Variants in MPZL1 observed in about 807,000 individuals in gnomAD.
The protein encoded by MPZL1 is myelin protein zero-like protein 1.
MPZL1 carries 16 observed loss-of-function variants against 29.3 expected under a neutral mutation model. That is an observed-to-expected ratio of 0.55 (90% CI 0.37 to 0.83). MPZL1 has a LOEUF of 0.83. Ranked by LOEUF, MPZL1 falls within the 40% of genes least tolerant of loss-of-function variation. The pLI, the probability that MPZL1 is intolerant of heterozygous loss-of-function variation, is 0.00. For synonymous variants in MPZL1, 143 were observed against 132.0 expected (o/e 1.08, Z -0.57); for missense variants, 279 against 332.9 (o/e 0.84, Z 1.26).
At chr1:167,778,219 G>T (rs373381672) in intron 5 of MPZL1, among the ~76,000 whole-genome samples, 52 of 152,084 alleles carry the variant, frequency 3.4e-4, no homozygotes, top group African/African-American at 1.3e-3. Flanking sequence ...TACTCAGGAG[G>T]CTGAGGCAGG....
At chr1:167,722,280 G>C (rs954143308) in intron 1 of MPZL1, 38 bp downstream of exon 1, 18 of 1,234,118 alleles carry the variant, frequency 1.5e-5, no homozygotes, top group Non-Finnish European at 1.8e-5. Flanking sequence ...GCCGGGGAGT[G>C]GGGCCCCCGG....
chr1:167,772,711 A>G (rs1370383261), intron 3 of MPZL1, among the ~76,000 whole-genome samples: 1 of 152,046 alleles, frequency 6.6e-6, no homozygotes, highest in Admixed American at 6.5e-5. Context: ...TTTTATTCCT[A>G]CCGTCTGGTG....
chr1:167,775,945 C>G, intron 4 of MPZL1, 119 bp from the exon 5 acceptor site: 1 of 577,280 alleles, frequency 1.7e-6, no homozygotes, highest in South Asian at 3.2e-5. Flanking sequence ...GTTATGTTGT[C>G]TTTTGTTTTT....
chr1:167,786,283 C>T (rs1182005596), intron 5 of MPZL1, among the ~76,000 whole-genome samples: 1 of 152,180 alleles, frequency 6.6e-6, no homozygotes, highest in Non-Finnish European at 1.5e-5. Flanking sequence ...CCAGTTACCT[C>T]AGTGCATTTT....
chr1:167,754,594 T>C (rs1402477387), intron 1 of MPZL1, among the ~76,000 whole-genome samples: 1 of 152,228 alleles, frequency 6.6e-6, no homozygotes, highest in East Asian at 1.9e-4. Context: ...GGTTCATGCA[T>C]GTGCACTAAT....
At chr1:167,772,205 C>A in intron 2 of MPZL1, 70 bp from the exon 3 acceptor site, 2 of 1,225,470 alleles carry the variant, frequency 1.6e-6, no homozygotes, top group Non-Finnish European at 2.3e-6. Flanking sequence ...CCTTTCATAG[C>A]ATGCACATTA....
At chr1:167,733,704 A>G (rs1366331623) in intron 1 of MPZL1, among the ~76,000 whole-genome samples, 1 of 151,902 alleles carries the variant, frequency 6.6e-6, no homozygotes, top group African/African-American at 2.4e-5. Flanking sequence ...AGATTGTGCC[A>G]CTGCACTCCA....
At chr1:167,777,988 C>G (rs955693828) in intron 5 of MPZL1, among the ~76,000 whole-genome samples, 1 of 152,186 alleles carries the variant, frequency 6.6e-6, no homozygotes, top group African/African-American at 2.4e-5. Context: ...AAATTCATCA[C>G]CCAACAATGT....
At chr1:167,730,851 C>T (rs1389175979) in intron 1 of MPZL1, among the ~76,000 whole-genome samples, 1 of 152,198 alleles carries the variant, frequency 6.6e-6, no homozygotes, top group Non-Finnish European at 1.5e-5. Context: ...CCAAAGTCTC[C>T]TCCCTTGTAC....
intron 1 of MPZL1, among the ~76,000 whole-genome samples, chr1:167,759,973 A>G (rs1347976407): frequency 6.6e-6 from 1 of 152,148 alleles, no homozygotes; most frequent in African/African-American, 2.4e-5. Context: ...TGGGAAACCC[A>G]TAGAGGATTT....
At chr1:167,726,354 A>G (rs73035775) in intron 1 of MPZL1, among the ~76,000 whole-genome samples, 542 of 152,154 alleles carry the variant, frequency 3.6e-3, no homozygotes, top group African/African-American at 0.011. Context: ...TGTAATTTCT[A>G]TATGGTTTTT....
In MPZL1 at chr1:167,779,961, T is replaced by C. The variant is rs564562159; in HGVS notation, c.708+3795T>C. 3.3e-5 allele frequency among the ~76,000 whole-genome samples: 5 copies of C among 150,520 alleles called. No homozygotes were observed. In the South Asian group the frequency reaches 1.1e-3, roughly 32 times the overall value. On this transcript the variant is annotated intron_variant, in intron 5 of 5. Transcript: ENST00000359523. ...TCAGAACAAGAAATAGAACCAGAGATAGAGGGACTTTTTATGATGATAAAG... is the reference window on the plus strand; with the variant it reads ...TCAGAACAAGAAATAGAACCAGAGACAGAGGGACTTTTTATGATGATAAAG...
At chr1:167,744,495 C>T (rs942260539) in intron 1 of MPZL1, among the ~76,000 whole-genome samples, 4 of 151,932 alleles carry the variant, frequency 2.6e-5, no homozygotes, top group African/African-American at 9.7e-5. Context: ...ACCAGCCTGG[C>T]CAACATGGCA....
intron 1 of MPZL1, 69 bp downstream of exon 1, chr1:167,722,311 G>A: frequency 8.1e-7 from 1 of 1,230,432 alleles, no homozygotes; most frequent in Non-Finnish European, 1.0e-6. Flanking sequence ...CGCCCATCGC[G>A]GCGGTCGCAG....
intron 1 of MPZL1, among the ~76,000 whole-genome samples, chr1:167,728,348 T>G (rs1660195932): frequency 7.2e-6 from 1 of 138,482 alleles, no homozygotes; most frequent in Admixed American, 7.1e-5. Context: ...TTTCTTTTTT[T>G]TCTTTCTTTC....
chr1:167,764,567 T>C (rs1158757247), intron 1 of MPZL1, among the ~76,000 whole-genome samples: 3 of 152,232 alleles, frequency 2.0e-5, no homozygotes, highest in Non-Finnish European at 2.9e-5. Flanking sequence ...AAATAATAAA[T>C]GTGGCTTTAA....
At chr1:167,758,607 A>G (rs1660919159) in intron 1 of MPZL1, among the ~76,000 whole-genome samples, 1 of 151,320 alleles carries the variant, frequency 6.6e-6, no homozygotes, top group Admixed American at 6.6e-5. Flanking sequence ...ATATCCTTTG[A>G]TTATTGTAAA....
At position 167,765,639 on chromosome 1, in the gene MPZL1, A is replaced by G; in HGVS notation, c.148A>G (p.Asn50Asp). 1.9e-6 allele frequency: 3 copies of G among 1,613,278 alleles called. No homozygotes were observed. The highest frequency in any genetic ancestry group is 2.5e-6 in the Non-Finnish European group (3 of 1,179,590). Residue 50 changes from asparagine to aspartate, a missense_variant, in exon 2 of 6, where the codon AAT becomes GAT. By Grantham distance (23) the Asn-to-Asp change is conservative. Transcript: ENST00000359523. ...TACGCCAAAAGAAATCTTCGTGGCA[A>G]ATGGTACACAAGGGAAGCTGACCTG... The part of the protein sequence containing the change: ...VYTPKEIFVA[N>D]GTQGKLTCKF...
chr1:167,740,409 G>A (rs1660491971), intron 1 of MPZL1, among the ~76,000 whole-genome samples: 1 of 152,140 alleles, frequency 6.6e-6, no homozygotes, highest in African/African-American at 2.4e-5. Context: ...ACTCCAGGTT[G>A]ACAAACCATA....
Sources: gnomAD v4.1 joint callset for allele counts (sites outside exome capture counted in the v4.1 genomes callset) on GRCh38, gnomAD v4.1.1 for gene constraint, MANE v1.5 for transcripts, NCBI Gene and HGNC (gene_info 2026-07-23, HGNC 2026-07-21) for gene names.